The following TANC2 variants were observed in gnomAD, a reference collection of about 807,000 sequenced individuals.
TANC2 encodes the protein tetratricopeptide repeat, ankyrin repeat and coiled-coil containing 2.
Under a neutral mutation model 210.5 loss-of-function variants are expected in TANC2, and 26 were observed. That is an observed-to-expected ratio of 0.12 (90% CI 0.09 to 0.17). The LOEUF (loss-of-function observed/expected upper bound fraction) is 0.17. Ranked by LOEUF, TANC2 falls within the 10% of genes least tolerant of loss-of-function variation. TANC2 has a pLI of 1.00. For synonymous variants in TANC2, 931 were observed against 967.1 expected (o/e 0.96, Z 0.69); for missense variants, 2,129 against 2,608.9 (o/e 0.82, Z 4.01).
chr17:63,186,221 A>T (rs1462306792), intron 5 of TANC2, among the ~76,000 whole-genome samples: 1 of 151,850 alleles, frequency 6.6e-6, no homozygotes, highest in Non-Finnish European at 1.5e-5. Flanking sequence ...ATAGAGAGAG[A>T]TCTGTTTTTG....
intron 5 of TANC2, among the ~76,000 whole-genome samples, chr17:63,165,034 C>A (rs1217288418): frequency 1.3e-5 from 2 of 152,142 alleles, no homozygotes; most frequent in Non-Finnish European, 2.9e-5. Flanking sequence ...GTAATTCCAA[C>A]ACTTTGAGAG....
chr17:63,333,757 T>C (rs2045935955), intron 11 of TANC2, among the ~76,000 whole-genome samples: 1 of 152,154 alleles, frequency 6.6e-6, no homozygotes, highest in Non-Finnish European at 1.5e-5. Flanking sequence ...TATTGTCTTA[T>C]TTTAAGCAGT....
At chr17:63,220,527 C>G (rs1295473048) in intron 7 of TANC2, among the ~76,000 whole-genome samples, 2 of 150,998 alleles carry the variant, frequency 1.3e-5, no homozygotes, top group Non-Finnish European at 3.0e-5. Flanking sequence ...CATGGTGAAA[C>G]CCCGTCTCTA....
chr17:63,070,680 T>A (rs1348472588), intron 2 of TANC2, among the ~76,000 whole-genome samples: 2 of 152,130 alleles, frequency 1.3e-5, no homozygotes, highest in Non-Finnish European at 2.9e-5. Context: ...TAAAAAAAAT[T>A]AAAAGGATAA....
At chr17:63,319,206 C>T (rs572287224) in intron 11 of TANC2, 116 bp downstream of exon 11, 133 of 1,057,568 alleles carry the variant, frequency 1.3e-4, no homozygotes, top group Non-Finnish European at 1.7e-4. Context: ...ACCATGAGAA[C>T]GTGGAGGAAA....
intron 7 of TANC2, among the ~76,000 whole-genome samples, chr17:63,205,718 A>G (rs184911046): frequency 6.6e-6 from 1 of 152,232 alleles, no homozygotes; most frequent in Non-Finnish European, 1.5e-5. Flanking sequence ...GGAGTTCAAG[A>G]CCAGCCTGGC....
chr17:63,406,369 G>C, intron 21 of TANC2, 92 bp downstream of exon 21: 1 of 1,549,438 alleles, frequency 6.5e-7, no homozygotes, highest in Non-Finnish European at 8.8e-7. Context: ...GAGATGCTAA[G>C]AACAGATATT....
intron 2 of TANC2, among the ~76,000 whole-genome samples, chr17:63,035,047 G>T (rs2034916883): frequency 6.6e-6 from 1 of 152,108 alleles, no homozygotes; most frequent in African/African-American, 2.4e-5. Flanking sequence ...TTGCTACAGA[G>T]AAATCTTTCA....
At chr17:63,211,825 TTAA>T (rs1297761503) in intron 7 of TANC2, among the ~76,000 whole-genome samples, 4 of 152,182 alleles carry the variant, frequency 2.6e-5, no homozygotes, top group African/African-American at 9.6e-5. Context: ...GAAGGAAAGC[TTAA>T]TGATGGGGGA....
intron 4 of TANC2, among the ~76,000 whole-genome samples, chr17:63,102,519 T>C (rs959529442): frequency 2.6e-5 from 4 of 151,870 alleles, no homozygotes; most frequent in African/African-American, 9.7e-5. Flanking sequence ...ATGTGCACAA[T>C]GTGCAGGTTT....
intron 7 of TANC2, among the ~76,000 whole-genome samples, chr17:63,237,575 GT>G (rs973305078): frequency 1.2e-3 from 182 of 152,080 alleles, no homozygotes; most frequent in African/African-American, 4.2e-3. Context: ...AGGTTTTCTT[GT>G]AGTATTTTTA....
intron 2 of TANC2, among the ~76,000 whole-genome samples, chr17:63,062,700 C>G (rs114734700): frequency 0.016 from 2,410 of 152,170 alleles, 58 homozygotes; most frequent in African/African-American, 0.055. Context: ...AGTTTCAGGT[C>G]TATAGCTGTT....
chr17:63,037,605 G>C (rs1374447317), intron 2 of TANC2, among the ~76,000 whole-genome samples: 1 of 152,056 alleles, frequency 6.6e-6, no homozygotes, highest in East Asian at 1.9e-4. Flanking sequence ...CCTGAGGTCA[G>C]GAGTTCAAGA....
chr17:63,290,542 G>A (rs556293868), intron 9 of TANC2, among the ~76,000 whole-genome samples: 169 of 152,216 alleles, frequency 1.1e-3, no homozygotes, highest in Non-Finnish European at 2.0e-3. Flanking sequence ...TTACATTGTG[G>A]CCTGGAAATG....
At chr17:63,010,909 A>G (rs2033838576) in intron 2 of TANC2, among the ~76,000 whole-genome samples, 1 of 152,158 alleles carries the variant, frequency 6.6e-6, no homozygotes, top group Non-Finnish European at 1.5e-5. Flanking sequence ...TCATCAACCC[A>G]GAATCCCATC....
At chr17:63,249,231 A>G (rs1811527500) in intron 8 of TANC2, among the ~76,000 whole-genome samples, 2 of 152,194 alleles carry the variant, frequency 1.3e-5, no homozygotes, top group African/African-American at 2.4e-5. Context: ...CTGAATATAA[A>G]CTTAGCTGTT....
intron 21 of TANC2, among the ~76,000 whole-genome samples, chr17:63,410,123 G>A (rs1236110372): frequency 1.3e-5 from 2 of 152,138 alleles, no homozygotes; most frequent in East Asian, 1.9e-4. Context: ...TACTTAATGT[G>A]TGCATTACCT....
At chr17:63,262,956 A>G (rs1157936332) in intron 8 of TANC2, among the ~76,000 whole-genome samples, 1 of 152,126 alleles carries the variant, frequency 6.6e-6, no homozygotes, top group Non-Finnish European at 1.5e-5. Context: ...ACTCTCTCTG[A>G]TGTAAAATGT....
At chr17:63,213,919 C>T (rs12600574) in intron 7 of TANC2, among the ~76,000 whole-genome samples, 21,562 of 152,000 alleles carry the variant, frequency 0.14, 1,971 homozygotes, top group Middle Eastern at 0.21. Context: ...GAGCCTGAGA[C>T]AAAAGTTTAT....
Sources: gnomAD v4.1 joint callset for allele counts (sites outside exome capture counted in the v4.1 genomes callset) on GRCh38, gnomAD v4.1.1 for gene constraint, MANE v1.5 for transcripts, NCBI Gene and HGNC (gene_info 2026-07-23, HGNC 2026-07-21) for gene names.